Variants in FRMD4A observed in about 807,000 individuals in gnomAD.
The protein encoded by FRMD4A is FERM domain containing 4A, also known as FERM domain-containing protein 4A.
In FRMD4A, 29 loss-of-function variants were observed where a neutral mutation model predicts 129.1. That is an observed-to-expected ratio of 0.22 (90% CI 0.17 to 0.31). The LOEUF is 0.31. Ranked by LOEUF, FRMD4A falls within the 10% of genes least tolerant of loss-of-function variation. The pLI is 1.00. For missense variants in FRMD4A, 1,272 were observed against 1,375.8 expected (o/e 0.92, Z 1.19); for synonymous variants, 634 against 571.6 (o/e 1.11, Z -1.56).
intron 2 of FRMD4A, among the ~76,000 whole-genome samples, chr10:14,211,356 G>T (rs12253097): frequency 0.011 from 1,636 of 152,274 alleles, 29 homozygotes; most frequent in African/African-American, 0.038. Flanking sequence ...TCCTGATTCA[G>T]TGAGAGGCAG....
intron 2 of FRMD4A, among the ~76,000 whole-genome samples, chr10:13,864,230 A>C (rs945334041): frequency 1.3e-5 from 2 of 151,446 alleles, no homozygotes; most frequent in Non-Finnish European, 2.9e-5. Flanking sequence ...TCCTGGCCTC[A>C]CGTGATCTTC....
chr10:13,884,387 G>C (rs1489771101), intron 2 of FRMD4A, among the ~76,000 whole-genome samples: 1 of 152,128 alleles, frequency 6.6e-6, no homozygotes, highest in Non-Finnish European at 1.5e-5. Context: ...AGTAGACAAA[G>C]AACATTATGG....
At chr10:13,989,012 G>A (rs879458557) in intron 2 of FRMD4A, among the ~76,000 whole-genome samples, 3 of 150,380 alleles carry the variant, frequency 2.0e-5, no homozygotes, top group Non-Finnish European at 4.4e-5. Flanking sequence ...GTGTGCTTTA[G>A]GACAGTGATT....
intron 2 of FRMD4A, among the ~76,000 whole-genome samples, chr10:14,223,427 T>C (rs992041837): frequency 6.6e-6 from 1 of 152,020 alleles, no homozygotes; most frequent in African/African-American, 2.4e-5. Flanking sequence ...TGCATTTTCT[T>C]TGGAGTTCTT....
intron 2 of FRMD4A, among the ~76,000 whole-genome samples, chr10:14,310,237 G>T (rs550550181): frequency 1.3e-5 from 2 of 152,136 alleles, no homozygotes. Flanking sequence ...ACTCAATTTG[G>T]CCTTCACTGG....
intron 2 of FRMD4A, among the ~76,000 whole-genome samples, chr10:14,034,264 C>T (rs1304337708): frequency 3.3e-5 from 5 of 152,084 alleles, no homozygotes; most frequent in Non-Finnish European, 7.4e-5. Context: ...GAGGAGCTAT[C>T]GGTACCCAGC....
At chr10:14,091,230 A>T (rs904247073) in intron 2 of FRMD4A, among the ~76,000 whole-genome samples, 1 of 152,066 alleles carries the variant, frequency 6.6e-6, no homozygotes, top group Admixed American at 6.5e-5. Flanking sequence ...AAGCAATCAG[A>T]TGTTGTGTGT....
intron 13 of FRMD4A, among the ~76,000 whole-genome samples, 196 bp downstream of exon 13, chr10:13,706,841 G>A (rs1360187114): frequency 6.6e-6 from 1 of 151,318 alleles, no homozygotes; most frequent in Non-Finnish European, 1.5e-5. Flanking sequence ...ACACACGTGC[G>A]AACCCACTGC....
At chr10:14,297,042 G>C (rs1270284809) in intron 2 of FRMD4A, among the ~76,000 whole-genome samples, 1 of 152,112 alleles carries the variant, frequency 6.6e-6, no homozygotes, top group African/African-American at 2.4e-5. Context: ...TAGCTCACAA[G>C]ATGAAACCTA....
intron 2 of FRMD4A, among the ~76,000 whole-genome samples, chr10:14,169,932 G>T (rs1041342074): frequency 6.6e-6 from 1 of 152,052 alleles, no homozygotes; most frequent in African/African-American, 2.4e-5. Flanking sequence ...GTGATTTCTG[G>T]TTCACAGAGT....
intron 2 of FRMD4A, among the ~76,000 whole-genome samples, chr10:14,284,447 G>A (rs985197701): frequency 1.3e-5 from 2 of 152,148 alleles, no homozygotes; most frequent in Admixed American, 6.5e-5. Flanking sequence ...AGGACATCAA[G>A]ACCGTCCTGG....
In FRMD4A at chr10:13,747,844, G is replaced by A. The variant is rs189369039; in HGVS notation, c.465-25C>T. 247 of 1,318,262 alleles carry A rather than the reference G, an allele frequency of 1.9e-4. 1 individual carries two copies. In the African/African-American group the frequency reaches 3.1e-3, roughly 17 times the overall value. 81.7% of individuals were successfully genotyped at this position (1,318,262 alleles called of 1,614,324 possible). A position where few individuals can be genotyped will look rare whatever the true frequency, so the allele number is the denominator to read the frequency against. ...GCTGAAAGAGAGAATGCCCAGAAACGCACTCACCCTCTGAGAAAATAATCG... is the reference window on the plus strand; with the variant it reads ...GCTGAAAGAGAGAATGCCCAGAAACACACTCACCCTCTGAGAAAATAATCG... On this transcript the variant is annotated intron_variant, in intron 8 of 24. Coordinates refer to ENST00000357447, the MANE Select transcript of FRMD4A (RefSeq NM_018027.5).
At chr10:14,199,662 G>T (rs530986943) in intron 2 of FRMD4A, among the ~76,000 whole-genome samples, 48 of 152,238 alleles carry the variant, frequency 3.2e-4, no homozygotes, top group African/African-American at 1.2e-3. Flanking sequence ...ACAGCTGGAA[G>T]TACAGGTGTG....
chr10:14,242,858 G>A (rs1844097578), intron 2 of FRMD4A, among the ~76,000 whole-genome samples: 1 of 152,134 alleles, frequency 6.6e-6, no homozygotes, highest in Admixed American at 6.5e-5. Flanking sequence ...TACAATTACA[G>A]TATGATCCCA....
chr10:13,709,549 T>A (rs1261072140), intron 12 of FRMD4A, among the ~76,000 whole-genome samples: 4 of 148,044 alleles, frequency 2.7e-5, no homozygotes, highest in East Asian at 3.9e-4. Flanking sequence ...AAAAAAAAAA[T>A]ATGTGTGTGC....
intron 2 of FRMD4A, among the ~76,000 whole-genome samples, chr10:14,265,856 C>G (rs1013915744): frequency 6.6e-6 from 1 of 152,134 alleles, no homozygotes; most frequent in East Asian, 1.9e-4. Context: ...GAGAGGGAAC[C>G]ATTTATCATA....
At chr10:14,275,732 T>A (rs1354428013) in intron 2 of FRMD4A, among the ~76,000 whole-genome samples, 1 of 152,146 alleles carries the variant, frequency 6.6e-6, no homozygotes, top group African/African-American at 2.4e-5. Context: ...TCCACCCCTG[T>A]CTTCAAAAAT....
chr10:13,981,018 C>T (rs1379973631), intron 2 of FRMD4A, among the ~76,000 whole-genome samples: 1 of 152,160 alleles, frequency 6.6e-6, no homozygotes, highest in South Asian at 2.1e-4. Context: ...AGTGAGTTGC[C>T]TAGACTACTG....
At chr10:13,841,625 G>A (rs188422263) in intron 3 of FRMD4A, among the ~76,000 whole-genome samples, 76 of 152,318 alleles carry the variant, frequency 5.0e-4, no homozygotes, top group African/African-American at 1.8e-3. Context: ...AATGTGCCAG[G>A]AGAGTGTTGC....
Sources: allele counts gnomAD v4.1 joint callset (sites outside exome capture counted in the v4.1 genomes callset), GRCh38; gene constraint gnomAD v4.1.1; transcripts MANE v1.5; gene names NCBI Gene and HGNC (gene_info 2026-07-23, HGNC 2026-07-21).